The following KMT2C variants were observed in gnomAD, a reference collection of about 807,000 sequenced individuals.
KMT2C encodes the protein lysine methyltransferase 2C, also known as histone-lysine N-methyltransferase 2C.
Under a neutral mutation model 507.9 loss-of-function variants are expected in KMT2C, and 88 were observed. The observed-to-expected ratio is 0.17, with a 90% confidence interval of 0.15 to 0.21. KMT2C has a LOEUF of 0.21. KMT2C is among the 10% of genes least tolerant of loss of function. The pLI is 1.00. For missense variants in KMT2C, 4,954 were observed against 5,957.8 expected (o/e 0.83, Z 5.55); for synonymous variants, 2,049 against 2,080.8 (o/e 0.98, Z 0.42).
At chr7:152,411,694 A>C (rs1472739424) in intron 1 of KMT2C, among the ~76,000 whole-genome samples, 1 of 152,246 alleles carries the variant, frequency 6.6e-6, no homozygotes, top group Non-Finnish European at 1.5e-5. Context: ...TTTAGTAACC[A>C]CTTACAAGAA....
rs146009167 is a variant in KMT2C at position 152,136,874 on chromosome 7, C to T, written c.14694G>A (p.Pro4898=). 2.1e-5 allele frequency: 34 copies of T among 1,613,512 alleles called. No individual in the cohort carries two copies. Among genetic ancestry groups the T allele is most frequent in the South Asian group, 1.2e-4 (11 of 91,084 alleles). The change falls in exon 59 of 59, where the codon CCG becomes CCA. Residue 4898 remains proline (P), a synonymous_variant. Transcript: ENST00000262189. ...GGCAGTTCACAGCTCCACAGTGACA[C>T]GGAATCTTGTGCTGGTCATCTTCAA... The part of the protein sequence containing the change: ...FDFEDDQHKI[P]CHCGAVNCRK...
intron 28 of KMT2C, among the ~76,000 whole-genome samples, chr7:152,195,140 G>A (rs1161186561): frequency 6.6e-6 from 1 of 152,024 alleles, no homozygotes; most frequent in East Asian, 1.9e-4. Context: ...AAATTTGTAA[G>A]AGTCACATGT....
At chr7:152,307,245 G>GAC (rs1205278898) in intron 6 of KMT2C, among the ~76,000 whole-genome samples, 7 of 128,332 alleles carry the variant, frequency 5.5e-5, no homozygotes, top group African/African-American at 2.3e-4. Flanking sequence ...AAGGAAGGAA[G>GAC]GAAGGACGGT....
chr7:152,302,067 A>G (rs1253259696), intron 6 of KMT2C, among the ~76,000 whole-genome samples: 1 of 152,230 alleles, frequency 6.6e-6, no homozygotes, highest in Non-Finnish European at 1.5e-5. Context: ...AAAAACGTAC[A>G]ACTCTTCTCA....
chr7:152,428,458 C>CAAAAAAAAAAAAAAAAA (rs140697569), intron 1 of KMT2C, among the ~76,000 whole-genome samples: 1 of 73,516 alleles, frequency 1.4e-5, no homozygotes, highest in African/African-American at 5.2e-5. Context: ...ACTAAAAATA[C>CAAAAAAAAAAAAAAAAA]AAAAAAAAAA....
chr7:152,161,674 T>C (rs1157557966), intron 43 of KMT2C, among the ~76,000 whole-genome samples: 1 of 152,218 alleles, frequency 6.6e-6, no homozygotes, highest in Non-Finnish European at 1.5e-5. Flanking sequence ...AATACAACAC[T>C]GTAACCACAC....
At chr7:152,270,616 G>C (rs2095946349) in intron 7 of KMT2C, among the ~76,000 whole-genome samples, 1 of 152,160 alleles carries the variant, frequency 6.6e-6, no homozygotes, top group Non-Finnish European at 1.5e-5. Flanking sequence ...CTCAAGGTCT[G>C]TGTAGTGGTC....
intron 3 of KMT2C, among the ~76,000 whole-genome samples, chr7:152,327,561 CTATA>C (rs1434045759): frequency 6.6e-6 from 1 of 152,156 alleles, no homozygotes; most frequent in Non-Finnish European, 1.5e-5. Flanking sequence ...TTTCTAATCT[CTATA>C]TAACACATAG....
chr7:152,202,012 C>T (rs1455167052), intron 26 of KMT2C, among the ~76,000 whole-genome samples: 1 of 152,164 alleles, frequency 6.6e-6, no homozygotes, highest in Non-Finnish European at 1.5e-5. Context: ...AAGTTGTATG[C>T]TAGTTGAAAG....
intron 55 of KMT2C, among the ~76,000 whole-genome samples, chr7:152,143,250 C>CA (rs1408315794): frequency 1.3e-5 from 2 of 152,316 alleles, no homozygotes; most frequent in East Asian, 3.9e-4. Context: ...ATACTCCACT[C>CA]ATAATGTAAA....
At chr7:152,325,956 G>T (rs117738480) in intron 3 of KMT2C, among the ~76,000 whole-genome samples, 3 of 146,352 alleles carry the variant, frequency 2.0e-5, no homozygotes, top group African/African-American at 7.6e-5. Flanking sequence ...TAGCACAATT[G>T]TTGAAAGAGA....
intron 18 of KMT2C, among the ~76,000 whole-genome samples, chr7:152,229,226 T>C (rs2129150369): frequency 6.6e-6 from 1 of 152,310 alleles, no homozygotes; most frequent in African/African-American, 2.4e-5. Flanking sequence ...AGACCTCTGC[T>C]GTACAGCTAT....
chr7:152,335,260 C>T (rs369420851), intron 2 of KMT2C, among the ~76,000 whole-genome samples: 1 of 152,130 alleles, frequency 6.6e-6, no homozygotes, highest in African/African-American at 2.4e-5. Context: ...ATTCAAAGTA[C>T]TATAAAATTA....
At chr7:152,335,543 G>A (rs771043017) in intron 2 of KMT2C, among the ~76,000 whole-genome samples, 1 of 152,098 alleles carries the variant, frequency 6.6e-6, no homozygotes, top group Non-Finnish European at 1.5e-5. Flanking sequence ...CTCCCAAGCT[G>A]TGCTCTCTCC....
chr7:152,139,895 A>T (rs746706325), intron 55 of KMT2C, 104 bp from the exon 56 acceptor site: 7 of 745,176 alleles, frequency 9.4e-6, no homozygotes, highest in Non-Finnish European at 1.6e-5. Flanking sequence ...AGCCATACTT[A>T]AGTTTCACTT....
At position 152,229,979 on chromosome 7, in the gene KMT2C, A is replaced by T. The variant is rs200511267; in HGVS notation, c.2920T>A (p.Leu974Ile). The change falls in exon 18 of 59, where the codon TTA (leucine) becomes ATA (isoleucine). Residue 974 changes from leucine (L) to isoleucine (I), a missense_variant. Transcript: ENST00000262189. The stretch of plus-strand genomic sequence containing the variant: ...TGACCACACTGAGAACAGGCAAGTA[A>T]TCTTCCTTCTGCTCCTTGGCCAAAA... ...GSFGQGAEGRLLACSQCGQCY... is the reference protein window; with the variant it reads ...GSFGQGAEGRILACSQCGQCY... The T allele has an allele frequency of 6.2e-7, 1 of 1,611,260 alleles. No individual in the cohort carries two copies. Among genetic ancestry groups the T allele is most frequent in the Non-Finnish European group, 8.5e-7 (1 of 1,179,274 alleles).
rs760588281 is a variant in KMT2C at position 152,146,742 on chromosome 7, A to C, written c.13895-7T>G. On this transcript the variant is annotated splice_polypyrimidine_tract_variant and splice_region_variant and intron_variant, in intron 52 of 58. Transcript: ENST00000262189. ...AAAATCTTATCCCAGACACCTACAC[A>C]GGGACAAAAACATAATTTTTATAGG... 1 of 1,612,704 alleles carries C rather than the reference A, an allele frequency of 6.2e-7. No individual in the cohort carries two copies. Among genetic ancestry groups the C allele is most frequent in the Non-Finnish European group, 8.5e-7 (1 of 1,179,184 alleles).
intron 6 of KMT2C, among the ~76,000 whole-genome samples, chr7:152,305,038 C>A (rs1405749078): frequency 1.3e-5 from 2 of 152,090 alleles, no homozygotes; most frequent in Non-Finnish European, 2.9e-5. Context: ...ATATTGATAA[C>A]CTCCAGTAAC....
At chr7:152,259,123 AAAAC>A (rs937982653) in intron 9 of KMT2C, among the ~76,000 whole-genome samples, 11 of 152,038 alleles carry the variant, frequency 7.2e-5, no homozygotes, top group African/African-American at 2.7e-4. Flanking sequence ...AAAAAAGAAA[AAAAC>A]AAGTATATCG....
Sources: gnomAD v4.1 joint callset for allele counts (sites outside exome capture counted in the v4.1 genomes callset) on GRCh38, gnomAD v4.1.1 for gene constraint, MANE v1.5 for transcripts, NCBI Gene and HGNC (gene_info 2026-07-23, HGNC 2026-07-21) for gene names.